ARAP1: variants seen among roughly 807,000 people sequenced by gnomAD.
ARAP1 encodes ArfGAP with RhoGAP domain, ankyrin repeat and PH domain 1, also known as arf-GAP with Rho-GAP domain, ANK repeat and PH domain-containing protein 1.
Under a neutral mutation model 172.2 loss-of-function variants are expected in ARAP1, and 76 were observed. That is an observed-to-expected ratio of 0.44 (90% confidence interval 0.37 to 0.53). ARAP1 has a LOEUF of 0.53. ARAP1 is among the 20% of genes least tolerant of loss of function. ARAP1 has a pLI of 0.00. For missense variants in ARAP1, 1,686 were observed against 1,977.5 expected (o/e 0.85, Z 2.80); for synonymous variants, 804 against 803.3 (o/e 1.00, Z -0.01).
chr11:72,688,137 C>T (rs1855771399), intron 31 of ARAP1, among the ~76,000 whole-genome samples: 4 of 152,092 alleles, frequency 2.6e-5, no homozygotes, highest in Admixed American at 2.6e-4. Context: ...TAGCGCGCCA[C>T]CAAACCCAGT....
chr11:72,687,455 G>A lies in ARAP1; in HGVS notation c.4169C>T (p.Thr1390Ile). ...TQMELREWFA[T>I]FLFVQHDGLV... The stretch of plus-strand genomic sequence containing the variant: ...ACCTGGTACCTGCACAAACAGAAAG[G>A]TAGCGAACCACTCCCGGAGCTCCAT... Residue 1390 changes from threonine (T) to isoleucine (I), a missense_variant, in exon 33 of 35, where the codon ACC (threonine) becomes ATC (isoleucine). This residue lies in a region of ARAP1 where 379 missense variants were observed against 500.1 expected (regional missense o/e 0.76). Coordinates refer to ENST00000393609, the MANE Select transcript of ARAP1 (RefSeq NM_001040118.3). 1 of 1,614,124 alleles carries A rather than the reference G, an allele frequency of 6.2e-7. No homozygotes were observed. Among genetic ancestry groups the A allele is most frequent in the African/African-American group, 1.3e-5 (1 of 75,016 alleles).
At chr11:72,703,200 C>T (rs1171373088) in intron 14 of ARAP1, 121 bp from the exon 15 acceptor site, 2 of 992,050 alleles carry the variant, frequency 2.0e-6, no homozygotes, top group Non-Finnish European at 2.9e-6. Flanking sequence ...AGTCCATCCT[C>T]AGACTGAAAG....
Position 72,717,943 on chromosome 11 carries a change from A to G in ARAP1, c.510-3622T>C, listed in dbSNP as rs184333498. ...CTGAGGCCAGCCTCCTCCCATGGGC[A>G]GCCAGGTCTCAGGACCCATCTGAGA... On this transcript the variant is annotated intron_variant, in intron 3 of 34. Coordinates refer to ENST00000393609, the MANE Select transcript of ARAP1 (RefSeq NM_001040118.3). Among the ~76,000 whole-genome samples, 145 of 152,286 alleles carry G rather than the reference A, an allele frequency of 9.5e-4. 1 individual carries two copies. Among genetic ancestry groups the G allele is most frequent in the Non-Finnish European group, 1.6e-3 (112 of 68,024 alleles).
At chr11:72,743,196 G>GT (rs1256385656) in intron 1 of ARAP1, among the ~76,000 whole-genome samples, 1 of 152,224 alleles carries the variant, frequency 6.6e-6, no homozygotes, top group Non-Finnish European at 1.5e-5. Context: ...ATTCACAGTT[G>GT]TATCTTCCAT....
chr11:72,720,380 G>A (rs1252382148), intron 3 of ARAP1, among the ~76,000 whole-genome samples: 1 of 152,126 alleles, frequency 6.6e-6, no homozygotes, highest in Non-Finnish European at 1.5e-5. Flanking sequence ...TCCTGGTTCT[G>A]CTCTGTTCAC....
At chr11:72,686,444 C>A (rs973694787) in intron 33 of ARAP1, among the ~76,000 whole-genome samples, 2 of 152,192 alleles carry the variant, frequency 1.3e-5, no homozygotes, top group African/African-American at 4.8e-5. Flanking sequence ...GAAAACATTT[C>A]TCTTAGAGGA....
At chr11:72,739,288 G>GC (rs1858132111) in intron 1 of ARAP1, among the ~76,000 whole-genome samples, 1 of 152,156 alleles carries the variant, frequency 6.6e-6, no homozygotes, top group Non-Finnish European at 1.5e-5. Context: ...CCGCATCTCT[G>GC]CCCTATAACT....
chr11:72,723,517 G>A (rs1041072025), intron 3 of ARAP1, among the ~76,000 whole-genome samples: 9 of 152,072 alleles, frequency 5.9e-5, no homozygotes, highest in South Asian at 2.1e-4. Context: ...TCACAGCCTC[G>A]TTCTTCCCAC....
chr11:72,735,558 T>C (rs1857995859), intron 1 of ARAP1, among the ~76,000 whole-genome samples: 1 of 152,084 alleles, frequency 6.6e-6, no homozygotes, highest in South Asian at 2.1e-4. Context: ...ATCGTGCCAT[T>C]GCACTCCAGC....
Position 72,726,697 on chromosome 11 carries a change from C to T in ARAP1, c.432G>A (p.Leu144=), listed in dbSNP as rs1439638247. ...GCTCTGCCAAATGCCGCTTAGCAGG[C>T]AGCGGGGGCAGCACAGGGTCTGGGG... ...TAAPDPVLPP[L]PAKRHLAELS... The change falls in exon 3 of 35, where the codon CTG becomes CTA. Residue 144 remains leucine (L), a synonymous_variant. Coordinates refer to ENST00000393609, the MANE Select transcript of ARAP1 (RefSeq NM_001040118.3). The surrounding 1 kb of genome is among the most constrained non-coding windows in gnomAD (Gnocchi z 6.5). 6.5e-7 allele frequency: 1 copy of T among 1,544,030 alleles called. No individual in the cohort carries two copies.
chr11:72,712,029 G>T (rs1328789467), intron 7 of ARAP1, among the ~76,000 whole-genome samples, 167 bp downstream of exon 7: 1 of 152,170 alleles, frequency 6.6e-6, no homozygotes, highest in East Asian at 1.9e-4. Flanking sequence ...AAATGGGTCT[G>T]GAGGGAATCA....
At chr11:72,703,489 G>A (rs1446562714) in intron 14 of ARAP1, 1 of 168,748 alleles carries the variant, frequency 5.9e-6, no homozygotes, top group Non-Finnish European at 1.3e-5. Flanking sequence ...ACCAATGGGA[G>A]TTGCCGCCCT....
At chr11:72,743,909 C>T (rs1369714089) in intron 1 of ARAP1, among the ~76,000 whole-genome samples, 2 of 152,180 alleles carry the variant, frequency 1.3e-5, no homozygotes, top group Admixed American at 6.5e-5. Context: ...CCCCCCATTA[C>T]CCAGTGGGGC....
rs11827386 is a variant in ARAP1, at chr11:72,703,415, G to T, written c.1993-336C>A. 1.2e-4 allele frequency: 18 copies of T among 145,428 alleles called. 3 individuals carry two copies. The highest frequency in any genetic ancestry group is 9.3e-4 in the East Asian group (6 of 6,426). The allele number at this position is 145,428 out of a possible 1,614,324, so 9.0% of individuals were successfully genotyped here. ...TCTGCCTTGTGGAGGAGCCGGGGGG[G>T]GGGTGTGCTTTGTAGCTAATTCCTC... On this transcript the variant is annotated intron_variant, in intron 14 of 34. Transcript: ENST00000393609.
At chr11:72,723,612 C>G (rs537521383) in intron 3 of ARAP1, among the ~76,000 whole-genome samples, 1 of 152,168 alleles carries the variant, frequency 6.6e-6, no homozygotes, top group Non-Finnish European at 1.5e-5. Flanking sequence ...GGAGCTGGGG[C>G]GGTGAGCTCA....
In ARAP1 at chr11:72,726,165, C is replaced by G. The variant is rs1423150686; in HGVS notation, c.509+455G>C. Among the ~76,000 whole-genome samples the G allele has an allele frequency of 6.6e-6, 1 of 152,050 alleles. No individual in the cohort carries two copies. The highest frequency in any genetic ancestry group is 2.4e-5 in the African/African-American group (1 of 41,378). On this transcript the variant is annotated intron_variant, in intron 3 of 34. Transcript: ENST00000393609. This position sits in a 1 kb window ranked among gnomAD's most constrained non-coding sequence, Gnocchi z 6.5. The stretch of plus-strand genomic sequence containing the variant: ...GGACAGGGTGTGAAAGAGCACACCA[C>G]CAGGACCTGGGCAGTCCCCTCACCC...
rs749729932 is a variant in ARAP1 at position 72,698,091 on chromosome 11, G to C, written c.2557C>G (p.Leu853Val). ...TCCCGGGCCAGCAGATCCTCGGCTA[G>C]GGGAGGCACGAATGCCTGGCAGAGA... ...KCIAKAFVPP[L>V]AEDLLARDFE... Residue 853 changes from leucine to valine, a missense_variant, in exon 19 of 35, where the codon CTA becomes GTA. Coordinates refer to ENST00000393609, the MANE Select transcript of ARAP1 (RefSeq NM_001040118.3). The C allele has an allele frequency of 3.8e-6, 6 of 1,598,992 alleles. No individual in the cohort carries two copies. In the Admixed American group the frequency reaches 1.1e-4, roughly 28 times the overall value.
In ARAP1 at chr11:72,725,940, C is replaced by T. The variant is rs1034053309; in HGVS notation, c.509+680G>A. Among the ~76,000 whole-genome samples, 6 of 152,126 alleles carry T rather than the reference C, an allele frequency of 3.9e-5. No homozygotes were observed. Among genetic ancestry groups the T allele is most frequent in the Non-Finnish European group, 8.8e-5 (6 of 68,018 alleles). ...CTGTCTGGGGATGCTCCCTGACAGC[C>T]GGGCATCCCAGCAGATGGCAGGAAG... On this transcript the variant is annotated intron_variant, in intron 3 of 34. Coordinates refer to ENST00000393609, the MANE Select transcript of ARAP1 (RefSeq NM_001040118.3). The surrounding 1 kb of genome is among the most constrained non-coding windows in gnomAD (Gnocchi z 4.3).
chr11:72,733,306 G>A (rs1458804546), intron 1 of ARAP1, among the ~76,000 whole-genome samples: 2 of 152,174 alleles, frequency 1.3e-5, no homozygotes, highest in Non-Finnish European at 2.9e-5. Flanking sequence ...TGCGACTAAA[G>A]AGGTCTCCCT....
Sources: gnomAD v4.1 joint callset for allele counts (sites outside exome capture counted in the v4.1 genomes callset) on GRCh38, gnomAD v4.1.1 for gene constraint, gnomAD v4.1.1 regional missense constraint, Gnocchi (gnomAD v3.1) non-coding constraint, MANE v1.5 for transcripts, NCBI Gene and HGNC (gene_info 2026-07-23, HGNC 2026-07-21) for gene names.